The following PDZRN4 variants were observed in gnomAD, a reference collection of about 807,000 sequenced individuals.
PDZRN4 encodes PDZ domain containing ring finger 4.
A neutral mutation model predicts 99.0 loss-of-function variants in PDZRN4; 70 were observed. The ratio of observed to expected loss-of-function variants is 0.71; its 90% CI spans 0.58 to 0.86. The LOEUF (loss-of-function observed/expected upper bound fraction) is 0.86. PDZRN4 is among the 40% of genes least tolerant of loss of function. The pLI is 0.00. For synonymous variants in PDZRN4, 551 were observed against 501.6 expected, an observed-to-expected ratio of 1.10 and a Z score of -1.32; for missense variants, 1,474 against 1,331.2, an observed-to-expected ratio of 1.11 and a Z score of -1.67.
intron 3 of PDZRN4, among the ~76,000 whole-genome samples, chr12:41,264,947 G>T (rs1951266602): frequency 6.6e-6 from 1 of 152,118 alleles, no homozygotes; most frequent in South Asian, 2.1e-4. Context: ...AAAGTGAGGA[G>T]GGAAAGAAGG....
intron 7 of PDZRN4, among the ~76,000 whole-genome samples, chr12:41,556,931 C>T (rs1426498736): frequency 1.3e-5 from 2 of 151,946 alleles, no homozygotes; most frequent in African/African-American, 2.4e-5. Flanking sequence ...AGGCAGATCA[C>T]CTGAGGTCAA....
At chr12:41,331,591 C>T (rs914433378) in intron 3 of PDZRN4, among the ~76,000 whole-genome samples, 1 of 152,060 alleles carries the variant, frequency 6.6e-6, no homozygotes, top group African/African-American at 2.4e-5. Context: ...TCAGCGATTT[C>T]TATTTTCACA....
chr12:41,365,531 A>C (rs1400573284), intron 3 of PDZRN4, among the ~76,000 whole-genome samples: 3 of 152,124 alleles, frequency 2.0e-5, no homozygotes, highest in Non-Finnish European at 2.9e-5. Context: ...TATGAAATAA[A>C]TTATTTTGAT....
intron 5 of PDZRN4, among the ~76,000 whole-genome samples, chr12:41,514,929 A>G (rs895526836): frequency 8.5e-5 from 13 of 152,120 alleles, no homozygotes; most frequent in African/African-American, 3.1e-4. Context: ...ATGAAAATTT[A>G]TCTTTACTGG....
chr12:41,254,164 A>G (rs2120815041), intron 3 of PDZRN4, among the ~76,000 whole-genome samples: 1 of 152,158 alleles, frequency 6.6e-6, no homozygotes, highest in South Asian at 2.1e-4. Flanking sequence ...AAGTAAAACT[A>G]TTTCAAAGGA....
At chr12:41,369,514 T>G (rs1440120683) in intron 3 of PDZRN4, among the ~76,000 whole-genome samples, 1 of 152,052 alleles carries the variant, frequency 6.6e-6, no homozygotes, top group Non-Finnish European at 1.5e-5. Flanking sequence ...AATTTTCATT[T>G]CATTAATATT....
Position 41,516,615 on chromosome 12 carries a change from G to A in PDZRN4, c.1203+6702G>A, listed in dbSNP as rs143868883. Among the ~76,000 whole-genome samples the A allele has an allele frequency of 1.8e-3, 277 of 152,148 alleles. 2 individuals carry two copies. The highest frequency in any genetic ancestry group is 3.4e-3 in the Middle Eastern group (1 of 294). On this transcript the variant is annotated intron_variant, in intron 5 of 9. Transcript: ENST00000402685. The stretch of plus-strand genomic sequence containing the variant: ...TTCTATTTTACCAAGGAACATATGC[G>A]TGTTTTACCACAAATGCGTAAGCTG...
intron 3 of PDZRN4, among the ~76,000 whole-genome samples, chr12:41,214,914 T>C (rs1950911193): frequency 6.6e-6 from 1 of 152,128 alleles, no homozygotes; most frequent in Admixed American, 6.6e-5. Flanking sequence ...TTAAATAATG[T>C]TCAAAGAAGT....
At chr12:41,202,698 A>T (rs1248934383) in intron 3 of PDZRN4, among the ~76,000 whole-genome samples, 4 of 152,090 alleles carry the variant, frequency 2.6e-5, no homozygotes, top group Non-Finnish European at 5.9e-5. Context: ...CACCCCAAAG[A>T]ATAGACATTA....
At chr12:41,524,857 C>G (rs1175994430) in intron 5 of PDZRN4, among the ~76,000 whole-genome samples, 1 of 151,940 alleles carries the variant, frequency 6.6e-6, no homozygotes, top group Non-Finnish European at 1.5e-5. Flanking sequence ...TGTGTTAATT[C>G]AGGTGAGAGC....
In PDZRN4 at chr12:41,429,705, C is replaced by A. The variant is rs562851252; in HGVS notation, c.844-76751C>A. On this transcript the variant is annotated intron_variant, in intron 3 of 9. Coordinates refer to ENST00000402685, the MANE Select transcript of PDZRN4 (RefSeq NM_001164595.2). ...GAGAGGATATATTAAGAGTGCACATCTCAGAGTGTTAATGTGGGAATTAAA... is the reference window on the plus strand; with the variant it reads ...GAGAGGATATATTAAGAGTGCACATATCAGAGTGTTAATGTGGGAATTAAA... Among the ~76,000 whole-genome samples the A allele has an allele frequency of 6.6e-5, 10 of 151,886 alleles. No homozygotes were observed. In the South Asian group the frequency reaches 1.9e-3, roughly 28 times the overall value.
At chr12:41,301,724 A>G (rs942283483) in intron 3 of PDZRN4, among the ~76,000 whole-genome samples, 9 of 151,450 alleles carry the variant, frequency 5.9e-5, no homozygotes, top group African/African-American at 2.2e-4. Flanking sequence ...AGAGAAAACA[A>G]GGTTAGTTAG....
intron 3 of PDZRN4, among the ~76,000 whole-genome samples, chr12:41,267,064 A>G (rs534771521): frequency 6.6e-6 from 1 of 152,004 alleles, no homozygotes; most frequent in African/African-American, 2.4e-5. Flanking sequence ...CTTTTTTTTC[A>G]CGGGCTCTAC....
intron 3 of PDZRN4, among the ~76,000 whole-genome samples, chr12:41,440,528 G>A (rs1176102342): frequency 2.6e-5 from 4 of 152,020 alleles, no homozygotes; most frequent in Admixed American, 2.0e-4. Flanking sequence ...AGAATGGTGC[G>A]CTTAGGTGTG....
intron 3 of PDZRN4, among the ~76,000 whole-genome samples, chr12:41,243,569 A>C (rs559138545): frequency 3.7e-4 from 57 of 152,298 alleles, no homozygotes; most frequent in African/African-American, 1.4e-3. Flanking sequence ...TCTGTATTTA[A>C]AGCCAGATAG....
intron 3 of PDZRN4, among the ~76,000 whole-genome samples, chr12:41,213,041 G>A (rs1950898036): frequency 6.6e-6 from 1 of 151,990 alleles, no homozygotes; most frequent in Non-Finnish European, 1.5e-5. Flanking sequence ...CAGCCTTGTT[G>A]ATCTGGCAAA....
At chr12:41,271,511 T>A (rs1951314266) in intron 3 of PDZRN4, among the ~76,000 whole-genome samples, 1 of 152,280 alleles carries the variant, frequency 6.6e-6, no homozygotes, top group South Asian at 2.1e-4. Context: ...TCTAGTCTGT[T>A]TTAACCACCT....
At chr12:41,357,005 AGAG>A (rs2121050811) in intron 3 of PDZRN4, among the ~76,000 whole-genome samples, 1 of 152,150 alleles carries the variant, frequency 6.6e-6, no homozygotes, top group Non-Finnish European at 1.5e-5. Flanking sequence ...AGCTGTTTTC[AGAG>A]GAGAATTATT....
chr12:41,552,708 G>A lies in PDZRN4; in HGVS notation c.1256G>A (p.Cys419Tyr). The change falls in exon 6 of 10, where the codon TGT becomes TAT. Residue 419 changes from cysteine (C) to tyrosine (Y), a missense_variant. By Grantham distance (194) the Cys-to-Tyr change is radical. Transcript: ENST00000402685. ...CAAGAGAAGCTGGGCCTGACAGTCT[G>A]TTACCGAACAGATGATGAAGAAGAC... ...SSQEKLGLTV[C>Y]YRTDDEEDTG... The A allele has an allele frequency of 6.2e-7, 1 of 1,613,800 alleles. No individual in the cohort carries two copies.
Sources: gnomAD v4.1 joint callset for allele counts (sites outside exome capture counted in the v4.1 genomes callset) on GRCh38, gnomAD v4.1.1 for gene constraint, MANE v1.5 for transcripts, NCBI Gene and HGNC (gene_info 2026-07-23, HGNC 2026-07-21) for gene names.